Variants in ARHGEF6 observed in about 807,000 individuals in gnomAD.
ARHGEF6 encodes Rac/Cdc42 guanine nucleotide exchange factor 6.
In ARHGEF6, 9 loss-of-function variants were observed where a neutral mutation model predicts 70.3. That is an observed-to-expected ratio of 0.13 (90% confidence interval 0.08 to 0.22). The LOEUF is 0.22. ARHGEF6 is among the 10% of genes least tolerant of loss of function. ARHGEF6 has a pLI of 1.00. For missense variants in ARHGEF6, 470 were observed against 563.0 expected, an observed-to-expected ratio of 0.83 and a Z score of 1.67; for synonymous variants, 201 against 207.8, an observed-to-expected ratio of 0.97 and a Z score of 0.28.
intron 9 of ARHGEF6, among the ~76,000 whole-genome samples, chrX:136,695,027 G>C (rs1028063126): frequency 1.8e-5 from 2 of 111,960 alleles, no homozygotes; most frequent in African/African-American, 6.5e-5. Flanking sequence ...AAGTTCACCT[G>C]AACATCACAG....
intron 19 of ARHGEF6, 80 bp from the exon 20 acceptor site, chrX:136,672,199 C>A: frequency 2.6e-6 from 2 of 765,741 alleles, no homozygotes; most frequent in Admixed American, 4.4e-5. Context: ...AGTTCTTTTC[C>A]ACTATTGTTA....
chrX:136,683,521 G>C (rs1463933974), intron 12 of ARHGEF6, among the ~76,000 whole-genome samples: 1 of 110,334 alleles, frequency 9.1e-6, no homozygotes, highest in Non-Finnish European at 1.9e-5. Flanking sequence ...ACCACTCCCG[G>C]CTAATTTTGT....
intron 5 of ARHGEF6, among the ~76,000 whole-genome samples, chrX:136,733,672 CAT>C (rs936001568): frequency 5.3e-5 from 6 of 112,220 alleles, no homozygotes; most frequent in Non-Finnish European, 1.1e-4. Context: ...GCTTTTAAGA[CAT>C]ATTATTTGAT....
chrX:136,685,911 T>A, intron 11 of ARHGEF6, 88 bp from the exon 12 acceptor site: 1 of 1,023,558 alleles, frequency 9.8e-7, no homozygotes, highest in Non-Finnish European at 1.4e-6. Context: ...CTTCTGACTC[T>A]TTGGTTCCCA....
At chrX:136,777,474 A>T (rs112563696) in intron 2 of ARHGEF6, among the ~76,000 whole-genome samples, 2 of 110,963 alleles carry the variant, frequency 1.8e-5, no homozygotes, top group African/African-American at 6.6e-5. Context: ...TGAAAAGGAA[A>T]CACTTCTACA....
chrX:136,779,857 G>C (rs1243760112), intron 1 of ARHGEF6, among the ~76,000 whole-genome samples: 1 of 111,362 alleles, frequency 9.0e-6, no homozygotes, highest in Non-Finnish European at 1.9e-5. Context: ...CCTTCCCCCT[G>C]ATAATTTAAT....
intron 2 of ARHGEF6, among the ~76,000 whole-genome samples, chrX:136,748,325 A>G (rs562974555): frequency 1.8e-5 from 2 of 111,345 alleles, no homozygotes; most frequent in Non-Finnish European, 3.8e-5. Context: ...ATACTACTCA[A>G]CTCTTGGCAA....
intron 9 of ARHGEF6, among the ~76,000 whole-genome samples, chrX:136,706,228 G>A (rs771830598): frequency 8.0e-5 from 9 of 111,898 alleles, no homozygotes; most frequent in African/African-American, 1.9e-4. Context: ...GCAAGGACTC[G>A]TATTCTTAAA....
At chrX:136,767,265 G>GA (rs777644987) in intron 2 of ARHGEF6, 1 of 753,738 alleles carries the variant, frequency 1.3e-6, no homozygotes, top group African/African-American at 2.3e-5. Context: ...GGGCAAGCCT[G>GA]TGCCAAGGCT....
rs146970572 is a variant in ARHGEF6, at chrX:136,724,844, G to A, written c.732+7258C>T. On this transcript the variant is annotated intron_variant, in intron 6 of 21. Transcript: ENST00000250617. ...TAACTGTCATAGTCCCTGAATTATA[G>A]TATCTGTTGAAATAAAGAAAAACAA... Among the ~76,000 whole-genome samples the A allele has an allele frequency of 4.2e-3, 471 of 111,840 alleles. 5 individuals carry two copies. The highest frequency in any genetic ancestry group is 0.015 in the African/African-American group (457 of 30,767).
intron 19 of ARHGEF6, among the ~76,000 whole-genome samples, chrX:136,673,032 T>G (rs769529723): frequency 8.9e-6 from 1 of 112,428 alleles, no homozygotes; most frequent in Non-Finnish European, 1.9e-5. Context: ...CATCTGTGGA[T>G]TCAACCAACC....
At chrX:136,742,739 C>A (rs140100390) in intron 5 of ARHGEF6, among the ~76,000 whole-genome samples, 191 of 111,574 alleles carry the variant, frequency 1.7e-3, no homozygotes, top group Non-Finnish European at 2.8e-3. Flanking sequence ...CCGTGGGAGG[C>A]CGACACAGGA....
rs182548859 is a variant in ARHGEF6 at position 136,667,484 on chromosome X, G to A, written c.*545C>T. ...GCTGGATCATTGGGCAGATGTGTTT[G>A]TCTTTCATCCTACTCAAGCCATAGT... On this transcript the variant is annotated 3_prime_UTR_variant, in exon 22 of 22. Coordinates refer to ENST00000250617, the MANE Select transcript of ARHGEF6 (RefSeq NM_004840.3). 7.4e-4 allele frequency: 90 copies of A among 121,591 alleles called. No homozygotes were observed. The East Asian group carries it at 0.019, about 26-fold the overall frequency. The allele number at this position is 121,591 out of a possible 1,213,427, so 10.0% of individuals were successfully genotyped here. A position where few individuals can be genotyped will look rare whatever the true frequency, so the allele number is the denominator to read the frequency against.
At chrX:136,683,965 GC>G (rs1490912856) in intron 12 of ARHGEF6, among the ~76,000 whole-genome samples, 1 of 111,509 alleles carries the variant, frequency 9.0e-6, no homozygotes, top group Non-Finnish European at 1.9e-5. Flanking sequence ...ACCTTGGCTT[GC>G]CCCCATGTGG....
intron 6 of ARHGEF6, among the ~76,000 whole-genome samples, chrX:136,720,542 G>A (rs1467429193): frequency 4.5e-5 from 5 of 110,198 alleles, no homozygotes; most frequent in South Asian, 3.8e-4. Context: ...AAAAAACCCC[G>A]ACATCTAACA....
chrX:136,732,414 T>C (rs1402222354), intron 5 of ARHGEF6, among the ~76,000 whole-genome samples: 2 of 111,889 alleles, frequency 1.8e-5, no homozygotes, highest in East Asian at 2.8e-4. Flanking sequence ...AACTAAGAAA[T>C]AGCAGGGCCA....
intron 5 of ARHGEF6, among the ~76,000 whole-genome samples, chrX:136,732,949 C>G (rs761602782): frequency 9.0e-6 from 1 of 111,085 alleles, no homozygotes; most frequent in South Asian, 3.7e-4. Context: ...GTCTACTATG[C>G]CAACAACAAA....
At chrX:136,672,731 A>G in intron 19 of ARHGEF6, among the ~76,000 whole-genome samples, 1 of 112,452 alleles carries the variant, frequency 8.9e-6, no homozygotes, top group East Asian at 2.8e-4. Flanking sequence ...GAATGTCTCC[A>G]GGCTCTGGGA....
chrX:136,670,298 C>T (rs752731581), intron 20 of ARHGEF6, among the ~76,000 whole-genome samples: 1 of 111,908 alleles, frequency 8.9e-6, no homozygotes, highest in Non-Finnish European at 1.9e-5. Context: ...ATCAAGACAT[C>T]ACATTGTACA....
Sources: gnomAD v4.1 joint callset for allele counts (sites outside exome capture counted in the v4.1 genomes callset) on GRCh38, gnomAD v4.1.1 for gene constraint, MANE v1.5 for transcripts, NCBI Gene and HGNC (gene_info 2026-07-23, HGNC 2026-07-21) for gene names.